The following CHRDL2 variants were observed in gnomAD, a reference collection of about 807,000 sequenced individuals.
CHRDL2 encodes chordin-like protein 2.
CHRDL2 carries 41 observed loss-of-function variants against 54.3 expected under a neutral mutation model. That is an observed-to-expected ratio of 0.76 (90% CI 0.59 to 0.98). CHRDL2 has a LOEUF of 0.98. Among genes scored for constraint, CHRDL2 ranks in the 50% least tolerant of loss-of-function variants. The pLI is 0.00. For missense variants in CHRDL2, 518 were observed against 562.4 expected (o/e 0.92, Z 0.80); for synonymous variants, 220 against 224.3 (o/e 0.98, Z 0.17).
Position 74,703,310 on chromosome 11 carries a change from C to A in CHRDL2, c.941G>T (p.Cys314Phe). The part of the protein sequence containing the change: ...EKVAGKCCKI[C>F]PEDKADPGHS... Reference sequence around the variant, plus strand: ...CTCCCAGTGCCCCTGTGTACCTGGGCAAATCTTGCAGCACTTCCCAGCCAC... The same window carrying A: ...CTCCCAGTGCCCCTGTGTACCTGGGAAAATCTTGCAGCACTTCCCAGCCAC... Residue 314 changes from cysteine (C) to phenylalanine (F), a missense_variant, in exon 8 of 11, where the codon TGC becomes TTC. By Grantham distance (205) the Cys-to-Phe change is radical (BLOSUM62 -2). Transcript: ENST00000376332. The A allele has an allele frequency of 6.2e-7, 1 of 1,601,474 alleles. No individual in the cohort carries two copies.
rs75458071 is a variant in CHRDL2, at chr11:74,730,302, A to C, written c.82+505T>G. Among the ~76,000 whole-genome samples the C allele has an allele frequency of 1.1e-3, 169 of 152,300 alleles. 1 individual carries two copies. The East Asian group carries it at 0.031, about 28-fold the overall frequency. On this transcript the variant is annotated intron_variant, in intron 1 of 10. Transcript: ENST00000376332. ...GCTTACCCGCTCTGTAAGTTTTAGC[A>C]AGTTCCTCCTTGCTCAGCCTAAGTT...
intron 2 of CHRDL2, among the ~76,000 whole-genome samples, chr11:74,717,092 T>TCAGA (rs1565156464): frequency 6.7e-6 from 1 of 149,238 alleles, no homozygotes; most frequent in Admixed American, 6.7e-5. Flanking sequence ...AGACCCTGTC[T>TCAGA]CAAACAAACA....
chr11:74,713,425 G>T lies in CHRDL2; in HGVS notation c.250C>A (p.Pro84Thr), dbSNP rs2034256091. The change falls in exon 3 of 11, where the codon CCT (proline) becomes ACT (threonine). Residue 84 changes from proline to threonine, a missense_variant. Transcript: ENST00000376332. The part of the protein sequence containing the change: ...LHCPPVHCPQ[P>T]VTEPQQCCPK... ...CAGCATTGCTGTGGCTCCGTCACAG[G>T]CTGGGGGCAGTGGACAGGCGGACAG... 2 of 1,614,178 alleles carry T rather than the reference G, an allele frequency of 1.2e-6. No homozygotes were observed. Among genetic ancestry groups the T allele is most frequent in the South Asian group, 2.2e-5 (2 of 91,084 alleles).
Position 74,723,432 on chromosome 11 carries a change from G to A in CHRDL2, c.83-4600C>T, listed in dbSNP as rs186392125. On this transcript the variant is annotated intron_variant, in intron 1 of 10. Transcript: ENST00000376332. ...CATAGACCATGCATAGATTTCTTTT[G>A]CCTTCTTTACAATTTCACAAATAGA... Among the ~76,000 whole-genome samples the A allele has an allele frequency of 2.9e-3, 448 of 152,174 alleles. 2 individuals carry two copies. The highest frequency in any genetic ancestry group is 4.8e-3 in the Non-Finnish European group (325 of 68,018).
Position 74,697,315 on chromosome 11 carries a change from G to C in CHRDL2, c.1121-18C>G. The C allele has an allele frequency of 1.2e-6, 2 of 1,603,348 alleles. No homozygotes were observed. Among genetic ancestry groups the C allele is most frequent in the Non-Finnish European group, 1.7e-6 (2 of 1,170,928 alleles). ...GAAGATTCCTGAGGGCAGAGACAAG[G>C]ATGTGAGCAGGCAAGGCAAAAACCT... On this transcript the variant is annotated intron_variant, in intron 9 of 10. Coordinates refer to ENST00000376332, the MANE Select transcript of CHRDL2 (RefSeq NM_001278473.3).
At chr11:74,715,406 C>G (rs1316663848) in intron 2 of CHRDL2, among the ~76,000 whole-genome samples, 1 of 151,816 alleles carries the variant, frequency 6.6e-6, no homozygotes. Flanking sequence ...GAGTTTGAGA[C>G]CAGCCTGGCC....
chr11:74,720,715 T>G (rs1280938982), intron 1 of CHRDL2, among the ~76,000 whole-genome samples: 2 of 152,180 alleles, frequency 1.3e-5, no homozygotes, highest in African/African-American at 2.4e-5. Context: ...AGTAATGAGT[T>G]GGGTGGGGTG....
In CHRDL2 at chr11:74,712,355, G is replaced by A. The variant is rs184406161; in HGVS notation, c.289+1031C>T. Among the ~76,000 whole-genome samples the A allele has an allele frequency of 9.2e-4, 140 of 152,234 alleles. 2 individuals are homozygous for A. The highest frequency in any genetic ancestry group is 7.8e-3 in the Admixed American group (120 of 15,296). ...AACTGTGGAGCCAAGCAGGCACAGG[G>A]GCAGGGGATGGGAAGAGAGAGGGAG... On this transcript the variant is annotated intron_variant, in intron 3 of 10. Coordinates refer to ENST00000376332, the MANE Select transcript of CHRDL2 (RefSeq NM_001278473.3).
At chr11:74,706,295 T>C (rs1253099291) in intron 6 of CHRDL2, among the ~76,000 whole-genome samples, 192 bp downstream of exon 6, 1 of 152,006 alleles carries the variant, frequency 6.6e-6, no homozygotes, top group East Asian at 1.9e-4. Context: ...TCCTTATCCA[T>C]CAACCATGAT....
chr11:74,706,259 G>A (rs533873410), intron 6 of CHRDL2, among the ~76,000 whole-genome samples: 7 of 152,220 alleles, frequency 4.6e-5, no homozygotes, highest in African/African-American at 1.2e-4. Flanking sequence ...GCTGCCCTGC[G>A]TGGTGACCTG....
intron 5 of CHRDL2, among the ~76,000 whole-genome samples, chr11:74,707,720 A>G (rs2034057491): frequency 6.6e-6 from 1 of 151,766 alleles, no homozygotes. Flanking sequence ...GGGCTCCCCA[A>G]CACTTCCCTC....
intron 2 of CHRDL2, among the ~76,000 whole-genome samples, chr11:74,716,069 T>TTA (rs544188713): frequency 2.1e-3 from 324 of 152,136 alleles, no homozygotes; most frequent in African/African-American, 7.5e-3. Flanking sequence ...AGGGAAGGCT[T>TTA]TATAAGGAGG....
At chr11:74,709,558 G>T (rs1287523014) in intron 4 of CHRDL2, among the ~76,000 whole-genome samples, 2 of 152,292 alleles carry the variant, frequency 1.3e-5, no homozygotes, top group East Asian at 1.9e-4. Flanking sequence ...CCTGCAAAAG[G>T]TAATTGCTTA....
At chr11:74,701,259 T>C (rs2033799059) in intron 9 of CHRDL2, 5 of 253,372 alleles carry the variant, frequency 2.0e-5, no homozygotes, top group Non-Finnish European at 3.7e-5. Context: ...AAGAGAAAAC[T>C]GAGGCCCAGA....
intron 1 of CHRDL2, among the ~76,000 whole-genome samples, chr11:74,724,560 T>C (rs2034543226): frequency 6.6e-6 from 1 of 152,210 alleles, no homozygotes; most frequent in African/African-American, 2.4e-5. Flanking sequence ...TTCCTCACTC[T>C]TCCACCAGCC....
chr11:74,705,448 C>T (rs866222736), intron 6 of CHRDL2, among the ~76,000 whole-genome samples: 2 of 152,302 alleles, frequency 1.3e-5, no homozygotes, highest in South Asian at 4.1e-4. Context: ...ATCAGTTCTC[C>T]GATGGCCCAG....
At chr11:74,717,933 A>G (rs2034406532) in intron 2 of CHRDL2, among the ~76,000 whole-genome samples, 1 of 152,116 alleles carries the variant, frequency 6.6e-6, no homozygotes, top group African/African-American at 2.4e-5. Context: ...CCGCCCCTCC[A>G]ATCTCATACC....
chr11:74,729,792 G>A (rs1259047442), intron 1 of CHRDL2, among the ~76,000 whole-genome samples: 1 of 152,206 alleles, frequency 6.6e-6, no homozygotes, highest in African/African-American at 2.4e-5. Context: ...CTGATTAAGA[G>A]AATGTGGTTT....
At position 74,706,529 on chromosome 11, in the gene CHRDL2, C is replaced by G. The variant is rs570253941; in HGVS notation, c.540G>C (p.Glu180Asp). 5 of 1,614,090 alleles carry G rather than the reference C, an allele frequency of 3.1e-6. No homozygotes were observed. In the African/African-American group the frequency reaches 5.3e-5, roughly 17 times the overall value. The part of the protein sequence containing the change: ...CCQACKDEAS[E>D]QSDEEDSVQS... ...GCACACTGTCCTCTTCATCCGATTG[C>G]TCACTTGCCTCATCTGAAAACTCAA... Residue 180 changes from glutamate to aspartate, a missense_variant, in exon 6 of 11, where the codon GAG becomes GAC. Physicochemically the swap from Glu to Asp is conservative, Grantham distance 45 (BLOSUM62 2). Transcript: ENST00000376332.
Sources: allele counts gnomAD v4.1 joint callset (sites outside exome capture counted in the v4.1 genomes callset), GRCh38; gene constraint gnomAD v4.1.1; transcripts MANE v1.5; gene names NCBI Gene and HGNC (gene_info 2026-07-23, HGNC 2026-07-21).